SLC5A5: variants seen among roughly 807,000 people sequenced by gnomAD.
SLC5A5 encodes solute carrier family 5 member 5.
A neutral mutation model predicts 68.6 loss-of-function variants in SLC5A5; 56 were observed. The observed-to-expected ratio is 0.82, with a 90% confidence interval of 0.66 to 1.02. The LOEUF (loss-of-function observed/expected upper bound fraction) is 1.02, where lower values mean the gene tolerates loss of function less well. SLC5A5 is among the 50% of genes least tolerant of loss of function. The probability of loss-of-function intolerance (pLI) is 0.00; values close to 1 mark genes in which losing one functional copy is unlikely to be tolerated. For missense variants in SLC5A5, 807 were observed against 859.8 expected (o/e 0.94, Z 0.77); for synonymous variants, 398 against 373.0 (o/e 1.07, Z -0.77).
chr19:17,878,956 CAG>C (rs1159106948), intron 7 of SLC5A5, among the ~76,000 whole-genome samples: 1 of 117,326 alleles, frequency 8.5e-6, no homozygotes, highest in Non-Finnish European at 1.7e-5. Flanking sequence ...GCCTGGGTGA[CAG>C]AGAGAGACTC....
chr19:17,874,589 G>C (rs780644813), intron 3 of SLC5A5, 44 bp downstream of exon 3: 2 of 1,612,992 alleles, frequency 1.2e-6, no homozygotes, highest in East Asian at 4.5e-5. Context: ...GGAAGAGAAA[G>C]GGAGGGAGAG....
At chr19:17,878,544 G>C (rs994596728) in intron 7 of SLC5A5, among the ~76,000 whole-genome samples, 7 of 151,938 alleles carry the variant, frequency 4.6e-5, no homozygotes, top group African/African-American at 1.5e-4. Context: ...TTCAGAGGAG[G>C]ATCTGCAAGG....
In SLC5A5 at chr19:17,874,639, A is replaced by T; in HGVS notation, c.476-25A>T. ...AAGTTTGCGCCCCGCCCAGGGGCCTAACAGGGGGACCTCTTTTTGCATAGT... is the reference window on the plus strand; with the variant it reads ...AAGTTTGCGCCCCGCCCAGGGGCCTTACAGGGGGACCTCTTTTTGCATAGT... On this transcript the variant is annotated intron_variant, in intron 3 of 14. Coordinates refer to ENST00000222248, the MANE Select transcript of SLC5A5 (RefSeq NM_000453.3). 4 of 1,613,658 alleles carry T rather than the reference A, an allele frequency of 2.5e-6. No individual in the cohort carries two copies. In the South Asian group the frequency reaches 3.3e-5, roughly 13 times the overall value.
chr19:17,883,838 C>T lies in SLC5A5; in HGVS notation c.1330-12C>T. ...GGCCCCTCCCCTTCCCTGACGCCGG[C>T]TCTGCCCCCAGGGCGTCCTCGCGGG... On this transcript the variant is annotated splice_polypyrimidine_tract_variant and intron_variant, in intron 11 of 14. Coordinates refer to ENST00000222248, the MANE Select transcript of SLC5A5 (RefSeq NM_000453.3). 1 of 1,603,120 alleles carries T rather than the reference C, an allele frequency of 6.2e-7. No individual in the cohort carries two copies. Among genetic ancestry groups the T allele is most frequent in the Non-Finnish European group, 8.5e-7 (1 of 1,175,746 alleles).
At chr19:17,887,501 G>A (rs1268100788) in intron 12 of SLC5A5, among the ~76,000 whole-genome samples, 2 of 151,994 alleles carry the variant, frequency 1.3e-5, no homozygotes, top group Admixed American at 6.6e-5. Flanking sequence ...CACCATGTTA[G>A]CCAGCCTGGT....
At chr19:17,887,931 A>G (rs75295180) in intron 12 of SLC5A5, among the ~76,000 whole-genome samples, 1 of 152,064 alleles carries the variant, frequency 6.6e-6, no homozygotes, top group African/African-American at 2.4e-5. Flanking sequence ...ATGAAGTCCA[A>G]TTGATTTATT....
intron 10 of SLC5A5, 100 bp from the exon 11 acceptor site, chr19:17,883,581 A>G: frequency 1.1e-6 from 1 of 942,558 alleles, no homozygotes; most frequent in East Asian, 2.4e-5. Context: ...CTTGAGACCC[A>G]CATTGGAGTT....
intron 1 of SLC5A5, among the ~76,000 whole-genome samples, chr19:17,873,014 T>C (rs2094298166): frequency 6.6e-6 from 1 of 152,130 alleles, no homozygotes; most frequent in Admixed American, 6.5e-5. Flanking sequence ...GTGTGCGCGC[T>C]AGAGGGGACT....
rs771927519 is a variant in SLC5A5 at position 17,883,660 on chromosome 19, C to T, written c.1243-21C>T. The T allele has an allele frequency of 1.2e-5, 19 of 1,603,756 alleles. No individual in the cohort carries two copies. The East Asian group carries it at 4.0e-4, about 34-fold the overall frequency. On this transcript the variant is annotated intron_variant, in intron 10 of 14. Transcript: ENST00000222248. ...GGTGGGAGGGCTCCGCCCTCAGCCC[C>T]ACTTCCACCTACTCTCCCAGGGCTC...
rs764017193 is a variant in SLC5A5 at position 17,872,574 on chromosome 19, C to T, written c.255C>T (p.Leu85=). 3 of 1,612,908 alleles carry T rather than the reference C, an allele frequency of 1.9e-6. No individual in the cohort carries two copies. Among genetic ancestry groups the T allele is most frequent in the South Asian group, 2.2e-5 (2 of 91,088 alleles). The part of the protein sequence containing the change: ...GVPSEAYRYG[L]KFLWMCLGQL... ...CGTCGGAGGCCTATCGCTATGGCCT[C>T]AAGTTCCTCTGGATGTGCCTGGGCC... Residue 85 remains leucine, a synonymous_variant, in exon 1 of 15, where the codon CTC becomes CTT. Coordinates refer to ENST00000222248, the MANE Select transcript of SLC5A5 (RefSeq NM_000453.3).
At chr19:17,874,320 C>G (rs1198412647) in intron 2 of SLC5A5, 117 bp downstream of exon 2, 3 of 526,874 alleles carry the variant, frequency 5.7e-6, no homozygotes, top group Non-Finnish European at 9.9e-6. Flanking sequence ...CCCGTTCTGA[C>G]CCCGCCCCCA....
At chr19:17,881,634 G>A (rs1159122511) in intron 8 of SLC5A5, among the ~76,000 whole-genome samples, 1 of 152,188 alleles carries the variant, frequency 6.6e-6, no homozygotes, top group Non-Finnish European at 1.5e-5. Context: ...TGCCTTCCAA[G>A]GCCACACACT....
intron 5 of SLC5A5, among the ~76,000 whole-genome samples, chr19:17,876,372 A>G (rs1427698509): frequency 1.3e-5 from 2 of 150,544 alleles, no homozygotes; most frequent in African/African-American, 4.9e-5. Context: ...GGCTGCAGCA[A>G]GCTGAGATCA....
intron 7 of SLC5A5, among the ~76,000 whole-genome samples, chr19:17,879,605 C>G (rs1447686279): frequency 6.6e-6 from 1 of 152,102 alleles, no homozygotes; most frequent in African/African-American, 2.4e-5. Context: ...TAGGTCACAC[C>G]CCAAGTAGAG....
chr19:17,881,665 G>A (rs1056578168), intron 8 of SLC5A5, among the ~76,000 whole-genome samples: 3 of 152,178 alleles, frequency 2.0e-5, no homozygotes, highest in African/African-American at 7.2e-5. Flanking sequence ...CCACTCTTCC[G>A]GGACTTCTGG....
chr19:17,878,974 C>CAAAAAAAAAAAA (rs1368928380), intron 7 of SLC5A5, among the ~76,000 whole-genome samples: 1 of 47,950 alleles, frequency 2.1e-5, no homozygotes, highest in Non-Finnish European at 3.7e-5. Flanking sequence ...GACTCCATCT[C>CAAAAAAAAAAAA]AAAAAAAAAA....
At chr19:17,875,597 G>A (rs1475640759) in intron 4 of SLC5A5, among the ~76,000 whole-genome samples, 3 of 109,384 alleles carry the variant, frequency 2.7e-5, no homozygotes, top group East Asian at 3.7e-4. Context: ...ACCCCCCCCC[G>A]CCCCCATCTC....
chr19:17,885,031 G>A (rs2094330194), intron 12 of SLC5A5, among the ~76,000 whole-genome samples: 2 of 147,130 alleles, frequency 1.4e-5, no homozygotes, highest in African/African-American at 5.1e-5. Context: ...TTTTGGAGCA[G>A]GGTCTTGCTC....
chr19:17,876,540 C>T (rs1455845765), intron 5 of SLC5A5, among the ~76,000 whole-genome samples: 3 of 151,070 alleles, frequency 2.0e-5, no homozygotes, highest in African/African-American at 7.3e-5. Flanking sequence ...CCAGCATGAC[C>T]GACATCGAGA....
Sources: allele counts gnomAD v4.1 joint callset (sites outside exome capture counted in the v4.1 genomes callset), GRCh38; gene constraint gnomAD v4.1.1; transcripts MANE v1.5; gene names NCBI Gene and HGNC (gene_info 2026-07-23, HGNC 2026-07-21).